Variants in MARCHF1 observed in about 807,000 individuals in gnomAD.
The protein encoded by MARCHF1 is E3 ubiquitin-protein ligase MARCHF1.
A neutral mutation model predicts 54.2 loss-of-function variants in MARCHF1; 40 were observed. The ratio of observed to expected loss-of-function variants is 0.74; its 90% CI spans 0.57 to 0.96. The LOEUF (loss-of-function observed/expected upper bound fraction) is 0.96. Among genes scored for constraint, MARCHF1 ranks in the 40% least tolerant of loss-of-function variants. MARCHF1 has a pLI of 0.00. For synonymous variants in MARCHF1, 236 were observed against 236.3 expected (o/e 1.00, Z 0.01); for missense variants, 586 against 656.5 (o/e 0.89, Z 1.17).
intron 4 of MARCHF1, among the ~76,000 whole-genome samples, chr4:163,760,155 C>T (rs1297986417): frequency 6.6e-6 from 1 of 152,146 alleles, no homozygotes; most frequent in Non-Finnish European, 1.5e-5. Context: ...CATTCTTTGG[C>T]CTGTGTCTCC....
At chr4:163,614,817 G>A (rs1420065210) in intron 5 of MARCHF1, among the ~76,000 whole-genome samples, 1 of 152,012 alleles carries the variant, frequency 6.6e-6, no homozygotes, top group Non-Finnish European at 1.5e-5. Context: ...GTAACCATTA[G>A]GATCCTTATG....
intron 2 of MARCHF1, among the ~76,000 whole-genome samples, chr4:164,065,458 A>G: frequency 6.6e-6 from 1 of 152,234 alleles, no homozygotes; most frequent in East Asian, 1.9e-4. Context: ...ATTAAACTAA[A>G]GAGCTTCCAC....
intron 1 of MARCHF1, among the ~76,000 whole-genome samples, chr4:164,185,767 T>C (rs1393912604): frequency 1.3e-5 from 2 of 151,416 alleles, no homozygotes; most frequent in Non-Finnish European, 2.9e-5. Flanking sequence ...GCTTCTAAAT[T>C]GTAGAAGATA....
intron 4 of MARCHF1, among the ~76,000 whole-genome samples, chr4:163,781,166 C>T (rs940129355): frequency 3.9e-5 from 6 of 152,116 alleles, no homozygotes; most frequent in Admixed American, 2.6e-4. Context: ...GCCTGGCCAA[C>T]ACGATGAAAC....
chr4:163,820,747 T>G (rs1748669905), intron 4 of MARCHF1, among the ~76,000 whole-genome samples: 1 of 152,088 alleles, frequency 6.6e-6, no homozygotes, highest in African/African-American at 2.4e-5. Context: ...CTAAATCTTA[T>G]AAAGTTGACT....
intron 1 of MARCHF1, among the ~76,000 whole-genome samples, chr4:164,357,152 A>C (rs191680709): frequency 8.9e-4 from 135 of 152,248 alleles, no homozygotes; most frequent in Admixed American, 1.9e-3. Flanking sequence ...TTAGTGGTTT[A>C]AAACAACACA....
At chr4:163,537,900 CAT>C (rs1035932786) in intron 9 of MARCHF1, among the ~76,000 whole-genome samples, 3 of 152,168 alleles carry the variant, frequency 2.0e-5, no homozygotes, top group African/African-American at 7.2e-5. Flanking sequence ...TTTACAGTCA[CAT>C]ATATGTGATC....
intron 2 of MARCHF1, among the ~76,000 whole-genome samples, chr4:163,989,187 C>T (rs965998057): frequency 1.3e-5 from 2 of 152,070 alleles, no homozygotes; most frequent in African/African-American, 4.8e-5. Flanking sequence ...TTGAGAAGCG[C>T]GGCTAGCTGG....
At chr4:163,583,911 C>A (rs1170785730) in intron 8 of MARCHF1, 1 of 151,532 alleles carries the variant, frequency 6.6e-6, no homozygotes, top group African/African-American at 2.4e-5. Flanking sequence ...CCTGCCTCAG[C>A]CTCCCAAAGT....
intron 1 of MARCHF1, among the ~76,000 whole-genome samples, chr4:164,168,832 A>G (rs1579590333): frequency 2.6e-5 from 4 of 152,214 alleles, no homozygotes; most frequent in Admixed American, 2.6e-4. Context: ...CTGGAATCCA[A>G]TAATATAAAG....
intron 1 of MARCHF1, among the ~76,000 whole-genome samples, chr4:164,382,629 T>G (rs1387948467): frequency 1.3e-5 from 2 of 152,230 alleles, no homozygotes; most frequent in Admixed American, 6.5e-5. Context: ...ATATTCCTTT[T>G]GTAAACACAT....
intron 3 of MARCHF1, among the ~76,000 whole-genome samples, chr4:163,980,558 G>A (rs530577399): frequency 6.6e-6 from 1 of 152,100 alleles, no homozygotes; most frequent in Non-Finnish European, 1.5e-5. Context: ...AGCAAAAGGG[G>A]CCCTTTAATT....
intron 4 of MARCHF1, among the ~76,000 whole-genome samples, chr4:163,802,131 A>C (rs1579297954): frequency 6.6e-6 from 1 of 151,544 alleles, no homozygotes; most frequent in East Asian, 1.9e-4. Context: ...GTTTCTCTAA[A>C]TTTTCCTCTG....
chr4:164,189,108 C>G, intron 1 of MARCHF1: 2 of 662,850 alleles, frequency 3.0e-6, no homozygotes, highest in African/African-American at 1.8e-5. Flanking sequence ...TCTTCGGAGT[C>G]GTGGCCACTA....
rs75614125 is a variant in MARCHF1 at position 163,536,584 on chromosome 4, A to T, written c.1340-7538T>A. Among the ~76,000 whole-genome samples, 619 of 152,234 alleles carry T rather than the reference A, an allele frequency of 4.1e-3. 1 individual carries two copies. Among genetic ancestry groups the T allele is most frequent in the African/African-American group, 0.013 (560 of 41,554 alleles). Reference sequence around the variant, plus strand: ...GTCTGGGCTGGACTTTGTTTTCCATAGTTCCTTGCTCAGTAGGTATTTCAA... The same window carrying T: ...GTCTGGGCTGGACTTTGTTTTCCATTGTTCCTTGCTCAGTAGGTATTTCAA... On this transcript the variant is annotated intron_variant, in intron 9 of 9. Transcript: ENST00000514618.
At chr4:163,901,517 T>G (rs1750940577) in intron 3 of MARCHF1, among the ~76,000 whole-genome samples, 1 of 152,170 alleles carries the variant, frequency 6.6e-6, no homozygotes, top group Non-Finnish European at 1.5e-5. Flanking sequence ...AGCCTTCTCT[T>G]TTTCTGAAGC....
chr4:164,350,356 G>C (rs982746036), intron 1 of MARCHF1, among the ~76,000 whole-genome samples: 2 of 152,114 alleles, frequency 1.3e-5, no homozygotes, highest in African/African-American at 2.4e-5. Context: ...GGAAGGGTTG[G>C]GGGGAAGGGA....
At chr4:164,204,132 C>T (rs755235764) in intron 1 of MARCHF1, among the ~76,000 whole-genome samples, 4 of 152,080 alleles carry the variant, frequency 2.6e-5, no homozygotes, top group African/African-American at 4.8e-5. Context: ...GTTTCTCTGT[C>T]TAAGCATAGT....
chr4:163,715,126 G>A (rs900189194), intron 4 of MARCHF1, among the ~76,000 whole-genome samples: 2 of 152,166 alleles, frequency 1.3e-5, no homozygotes, highest in East Asian at 3.8e-4. Context: ...TTATAATTTG[G>A]ATTTAACATA....
Sources: gnomAD v4.1 joint callset for allele counts (sites outside exome capture counted in the v4.1 genomes callset) on GRCh38, gnomAD v4.1.1 for gene constraint, MANE v1.5 for transcripts, NCBI Gene and HGNC (gene_info 2026-07-23, HGNC 2026-07-21) for gene names.